The following SLC18B1 variants were observed in gnomAD, a reference collection of about 807,000 sequenced individuals.
SLC18B1 encodes the protein MFS-type transporter SLC18B1.
Under a neutral mutation model 53.9 loss-of-function variants are expected in SLC18B1, and 62 were observed. That is an observed-to-expected ratio of 1.15 (90% CI 0.94 to 1.42). The LOEUF is 1.42. Ranked by LOEUF, SLC18B1 falls within the 40% of genes most tolerant of loss-of-function variation. The probability of loss-of-function intolerance (pLI) is 0.00; values close to 1 mark genes in which losing one functional copy is unlikely to be tolerated. For missense variants in SLC18B1, 598 were observed against 547.3 expected (o/e 1.09, Z -0.93); for synonymous variants, 217 against 200.9 (o/e 1.08, Z -0.68).
chr6:132,797,177 C>T (rs1781716721), intron 1 of SLC18B1, 56 bp from the exon 2 acceptor site: 1 of 1,599,118 alleles, frequency 6.3e-7, no homozygotes, highest in Non-Finnish European at 8.5e-7. Context: ...GATTAAAGTA[C>T]ACAAATGTGA....
intron 7 of SLC18B1, among the ~76,000 whole-genome samples, chr6:132,777,437 G>C (rs1781125999): frequency 1.3e-5 from 2 of 152,186 alleles, no homozygotes. Context: ...AAACGGGCCA[G>C]GTGCGGTGGC....
chr6:132,779,790 A>G (rs1227148364), intron 6 of SLC18B1, among the ~76,000 whole-genome samples: 1 of 152,226 alleles, frequency 6.6e-6, no homozygotes, highest in African/African-American at 2.4e-5. Context: ...TAAAGGAAAG[A>G]GGTTTAATAA....
intron 5 of SLC18B1, among the ~76,000 whole-genome samples, chr6:132,785,118 AGTGTGT>A (rs3063220): frequency 2.1e-4 from 30 of 143,082 alleles, no homozygotes; most frequent in South Asian, 6.7e-4. Context: ...TCTCTCTCTC[AGTGTGT>A]GTGTGTGTGT....
At chr6:132,772,638 A>T (rs940429683) in intron 10 of SLC18B1, among the ~76,000 whole-genome samples, 6 of 152,150 alleles carry the variant, frequency 3.9e-5, no homozygotes, top group Non-Finnish European at 8.8e-5. Context: ...CAAAAGAATG[A>T]TGACCAGGTG....
At chr6:132,782,861 G>A (rs924013514) in intron 6 of SLC18B1, among the ~76,000 whole-genome samples, 28 of 149,328 alleles carry the variant, frequency 1.9e-4, no homozygotes, top group African/African-American at 6.4e-4. Context: ...TGCAACCTCC[G>A]CCTCCTAGGT....
chr6:132,790,518 A>AT (rs1317627276), intron 2 of SLC18B1, among the ~76,000 whole-genome samples: 1 of 152,228 alleles, frequency 6.6e-6, no homozygotes, highest in African/African-American at 2.4e-5. Context: ...TGTTAGCTTT[A>AT]TGTGGCAAAA....
At chr6:132,783,659 A>C (rs1439538074) in intron 6 of SLC18B1, among the ~76,000 whole-genome samples, 1 of 152,216 alleles carries the variant, frequency 6.6e-6, no homozygotes. Flanking sequence ...TCTGGTTTTG[A>C]TATTTAGTTC....
At chr6:132,785,352 TG>T (rs1371721126) in intron 5 of SLC18B1, among the ~76,000 whole-genome samples, 1 of 152,246 alleles carries the variant, frequency 6.6e-6, no homozygotes, top group Non-Finnish European at 1.5e-5. Context: ...AAAATTATTC[TG>T]TTTAAAGTTA....
In SLC18B1 at chr6:132,779,420, GA is replaced by G. The variant is rs760191809; in HGVS notation, c.659-17del. ...GGATCAGACTCTTTAGGGAAAAAAT[GA>G]AAAAAGAAAAAAAAAATGAAAGCAA... is the stretch of plus-strand genomic sequence containing the variant. On this transcript the variant is annotated splice_polypyrimidine_tract_variant and intron_variant, in intron 6 of 13. Transcript: ENST00000275227. The G allele has an allele frequency of 6.5e-7, 1 of 1,532,544 alleles. No individual in the cohort carries two copies. Among genetic ancestry groups the G allele is most frequent in the Non-Finnish European group, 8.8e-7 (1 of 1,138,326 alleles). The allele number at this position is 1,532,544 out of a possible 1,614,324, so 94.9% of individuals were successfully genotyped here. A position where few individuals can be genotyped will look rare whatever the true frequency, so the allele number is the denominator to read the frequency against.
intron 2 of SLC18B1, among the ~76,000 whole-genome samples, chr6:132,794,131 T>A (rs1781614072): frequency 2.1e-5 from 3 of 145,560 alleles, no homozygotes; most frequent in Admixed American, 1.4e-4. Flanking sequence ...TGAGATGGAG[T>A]CTCACTCTGT....
chr6:132,785,102 GCT>G (rs373229738), intron 5 of SLC18B1, among the ~76,000 whole-genome samples: 16 of 146,938 alleles, frequency 1.1e-4, no homozygotes, highest in South Asian at 8.6e-4. Flanking sequence ...TTGTTCTCGT[GCT>G]CTCTCTCTCT....
rs141501084 is a variant in SLC18B1 at position 132,789,078 on chromosome 6, T to C, written c.353+686A>G. On this transcript the variant is annotated intron_variant, in intron 4 of 13. Transcript: ENST00000275227. ...CTCTATGTTCCCCCATGTACTTATA[T>C]AAGCTCTTCCACATTATTTGGAACT... Among the ~76,000 whole-genome samples the C allele has an allele frequency of 6.4e-3, 975 of 152,350 alleles. 5 individuals are homozygous for C. Among genetic ancestry groups the C allele is most frequent in the Middle Eastern group, 0.014 (4 of 294 alleles).
At position 132,779,395 on chromosome 6, in the gene SLC18B1, G is replaced by A. The variant is rs147479288; in HGVS notation, c.668C>T (p.Pro223Leu). The A allele has an allele frequency of 9.9e-5, 158 of 1,599,752 alleles. 3 individuals carry two copies. In the African/African-American group the frequency reaches 1.2e-3, roughly 13 times the overall value. The change falls in exon 7 of 14, where the codon CCA (proline) becomes CTA (leucine). Residue 223 changes from proline to leucine, a missense_variant. Transcript: ENST00000275227. ...CAGTTTCCAGAATGAGTGTTCACCT[G>A]GATCAGACTCTTTAGGGAAAAAATG... The part of the protein sequence containing the change: ...MYILPNYESD[P>L]GEHSFWKLIA...
At chr6:132,773,257 C>A (rs1781020278) in intron 9 of SLC18B1, among the ~76,000 whole-genome samples, 169 bp from the exon 10 acceptor site, 1 of 122,096 alleles carries the variant, frequency 8.2e-6, no homozygotes, top group South Asian at 2.6e-4. Context: ...GTTAGAGTGT[C>A]CTTTAGCTCC....
intron 7 of SLC18B1, among the ~76,000 whole-genome samples, chr6:132,778,197 G>A (rs1355824201): frequency 1.3e-5 from 2 of 152,114 alleles, no homozygotes; most frequent in African/African-American, 4.8e-5. Context: ...GGAACAAATC[G>A]CAATGGTGGA....
intron 5 of SLC18B1, among the ~76,000 whole-genome samples, chr6:132,786,095 A>G (rs1781363262): frequency 6.6e-6 from 1 of 152,156 alleles, no homozygotes; most frequent in African/African-American, 2.4e-5. Flanking sequence ...TTGCTTAACC[A>G]TAAACCCTTA....
intron 5 of SLC18B1, among the ~76,000 whole-genome samples, chr6:132,785,897 C>CAAA (rs71545048): frequency 0.011 from 877 of 81,142 alleles, no homozygotes; most frequent in Non-Finnish European, 0.013. Context: ...CCTGTCTCTA[C>CAAA]AAAAAAAAAA....
chr6:132,798,432 C>A lies in SLC18B1; in HGVS notation c.25G>T (p.Gly9Ter). ...TGGTCACCTCCTGGTGCGCGTGGTCCCTCCAGGTCACCCAGCGCCTCCATC... is the reference window on the plus strand; with the variant it reads ...TGGTCACCTCCTGGTGCGCGTGGTCACTCCAGGTCACCCAGCGCCTCCATC... MEALGDLE[G>*]PRAPGGDDPA... is the part of the protein sequence containing the mutation. The change falls in exon 1 of 14, where the codon GGA becomes TGA. Residue 9 changes from glycine (G) to a stop codon, truncating the protein, a stop_gained. Transcript: ENST00000275227. LOFTEE classifies it high-confidence loss of function. The A allele has an allele frequency of 3.3e-6, 5 of 1,530,076 alleles. No individual in the cohort carries two copies. Among genetic ancestry groups the A allele is most frequent in the Non-Finnish European group, 3.5e-6 (4 of 1,136,018 alleles). 94.8% of individuals were successfully genotyped at this position (1,530,076 alleles called of 1,614,324 possible). A position where few individuals can be genotyped will look rare whatever the true frequency, so the allele number is the denominator to read the frequency against.
At chr6:132,776,132 G>A (rs539665310) in intron 8 of SLC18B1, among the ~76,000 whole-genome samples, 196 bp downstream of exon 8, 2 of 152,222 alleles carry the variant, frequency 1.3e-5, no homozygotes, top group East Asian at 3.9e-4. Context: ...TCTTTTCCCA[G>A]GTGAAGCAAT....
Sources: allele counts gnomAD v4.1 joint callset (sites outside exome capture counted in the v4.1 genomes callset), GRCh38; gene constraint gnomAD v4.1.1; transcripts MANE v1.5; gene names NCBI Gene and HGNC (gene_info 2026-07-23, HGNC 2026-07-21).